AMPD3: variants seen among roughly 807,000 people sequenced by gnomAD.
The protein encoded by AMPD3 is adenosine monophosphate deaminase 3, also known as AMP deaminase 3.
In AMPD3, 57 loss-of-function variants were observed where a neutral mutation model predicts 82.3. The ratio of observed to expected loss-of-function variants is 0.69; its 90% CI spans 0.56 to 0.86. The LOEUF (loss-of-function observed/expected upper bound fraction) is 0.86. Among genes scored for constraint, AMPD3 ranks in the 40% least tolerant of loss-of-function variants. The pLI is 0.00. For synonymous variants in AMPD3, 381 were observed against 394.7 expected (o/e 0.97, Z 0.41); for missense variants, 870 against 1,003.8 (o/e 0.87, Z 1.80).
intron 2 of AMPD3, among the ~76,000 whole-genome samples, chr11:10,474,023 C>A (rs1848668431): frequency 6.6e-6 from 1 of 152,096 alleles, no homozygotes; most frequent in East Asian, 1.9e-4. Context: ...GAAATGTCCC[C>A]CCTCTGACCC....
At chr11:10,496,596 G>T (rs892787942) in intron 9 of AMPD3, 3 of 972,826 alleles carry the variant, frequency 3.1e-6, no homozygotes, top group Non-Finnish European at 3.7e-6. Flanking sequence ...GCTCTGATGG[G>T]CATGGGTAGG....
upstream of AMPD3, among the ~76,000 whole-genome samples, chr11:10,452,746 A>G (rs1406120824): frequency 2.0e-5 from 3 of 152,254 alleles, no homozygotes; most frequent in East Asian, 5.8e-4. Flanking sequence ...TAATGCTTAT[A>G]AAACACATAC....
upstream of AMPD3, chr11:10,451,009 T>C: frequency 1.3e-6 from 2 of 1,579,370 alleles, no homozygotes; most frequent in East Asian, 2.3e-5. Flanking sequence ...GGCCGTCCCT[T>C]TCGGCCGGCG....
chr11:10,490,368 T>G, intron 6 of AMPD3: 1 of 456,624 alleles, frequency 2.2e-6, no homozygotes, highest in Non-Finnish European at 2.9e-6. Context: ...TTACCTTCTG[T>G]GCCAAACCTG....
At chr11:10,455,991 G>C in intron 1 of AMPD3, 1 of 985,372 alleles carries the variant, frequency 1.0e-6, no homozygotes. Context: ...GGGAGGCTGT[G>C]GCTTATCTCC....
intron 6 of AMPD3, among the ~76,000 whole-genome samples, chr11:10,489,903 ACT>A (rs1480233445): frequency 1.3e-5 from 2 of 151,898 alleles, no homozygotes; most frequent in African/African-American, 4.8e-5. Flanking sequence ...CTGGCCCCGA[ACT>A]CTCAGCCTCA....
Position 10,505,814 on chromosome 11 carries a change from C to A in AMPD3, c.2234C>A (p.Thr745Asn). 1 of 1,614,176 alleles carries A rather than the reference C, an allele frequency of 6.2e-7. No individual in the cohort carries two copies. Among genetic ancestry groups the A allele is most frequent in the African/African-American group, 1.3e-5 (1 of 75,044 alleles). Residue 745 changes from threonine to asparagine, a missense_variant, in exon 15 of 15, where the codon ACC (threonine) becomes AAC (asparagine). Physicochemically the swap from Thr to Asn is moderately conservative, Grantham distance 65. Transcript: ENST00000396553. ...ATCCGGATGGCATTCCGATATGAGA[C>A]CTTATGCAATGAGCTCAGCTTCCTG... is the stretch of plus-strand genomic sequence containing the variant. ...AQIRMAFRYE[T>N]LCNELSFLSD...
At chr11:10,472,559 T>C (rs897884343) in intron 2 of AMPD3, among the ~76,000 whole-genome samples, 1 of 152,240 alleles carries the variant, frequency 6.6e-6, no homozygotes, top group African/African-American at 2.4e-5. Context: ...ACATATGTGC[T>C]TTATGAATTG....
chr11:10,472,016 C>T (rs1323024433), intron 2 of AMPD3, among the ~76,000 whole-genome samples: 2 of 152,118 alleles, frequency 1.3e-5, no homozygotes, highest in African/African-American at 2.4e-5. Context: ...GCAGCACTAT[C>T]CACAATAGCA....
chr11:10,504,070 C>A, intron 13 of AMPD3: 1 of 963,162 alleles, frequency 1.0e-6, no homozygotes, highest in Non-Finnish European at 1.2e-6. Context: ...ATGATCACTT[C>A]TCATTTTTTT....
chr11:10,494,847 G>C (rs752855427), intron 7 of AMPD3, 52 bp from the exon 8 acceptor site: 9 of 1,587,716 alleles, frequency 5.7e-6, no homozygotes, highest in South Asian at 2.2e-5. Flanking sequence ...AGAGGGGAAC[G>C]TGCATGGTGG....
intron 1 of AMPD3, 105 bp from the exon 2 acceptor site, chr11:10,461,410 G>C: frequency 6.2e-7 from 1 of 1,603,818 alleles, no homozygotes; most frequent in Non-Finnish European, 8.5e-7. Flanking sequence ...GTAGACAGCT[G>C]ACCCCAAGTA....
At chr11:10,477,554 G>A (rs550767024) in intron 2 of AMPD3, among the ~76,000 whole-genome samples, 2 of 152,270 alleles carry the variant, frequency 1.3e-5, no homozygotes, top group Admixed American at 6.5e-5. Context: ...TTGCAAATAA[G>A]CATGGGCTTG....
chr11:10,460,985 T>C (rs1848252908), intron 1 of AMPD3: 1 of 985,492 alleles, frequency 1.0e-6, no homozygotes, highest in Non-Finnish European at 1.2e-6. Context: ...TAGCAGATTC[T>C]TTCTCTTCAG....
upstream of AMPD3, chr11:10,451,086 C>A: frequency 6.4e-7 from 1 of 1,555,986 alleles, no homozygotes; most frequent in Non-Finnish European, 8.6e-7. Flanking sequence ...GGGCCAGCCC[C>A]GCGGACCCTG....
intron 6 of AMPD3, among the ~76,000 whole-genome samples, chr11:10,493,118 A>G (rs1849285871): frequency 6.6e-6 from 1 of 152,144 alleles, no homozygotes. Flanking sequence ...TCTGCATTTT[A>G]AAAAGATTTC....
chr11:10,473,629 G>A, intron 2 of AMPD3: 1 of 980,568 alleles, frequency 1.0e-6, no homozygotes, highest in Non-Finnish European at 1.2e-6. Context: ...TGCGGAGTGA[G>A]TGATCTCTGT....
intron 1 of AMPD3, among the ~76,000 whole-genome samples, chr11:10,460,456 G>T (rs1591439460): frequency 6.7e-6 from 1 of 150,146 alleles, no homozygotes; most frequent in East Asian, 2.0e-4. Context: ...ACCCAGGTTG[G>T]AGTGAAGTGG....
intron 4 of AMPD3, among the ~76,000 whole-genome samples, chr11:10,483,545 A>T (rs751546467): frequency 3.3e-5 from 5 of 152,264 alleles, no homozygotes; most frequent in Non-Finnish European, 7.3e-5. Flanking sequence ...TGTGTACTTT[A>T]CATGGACAGA....
Sources: gnomAD v4.1 joint callset for allele counts (sites outside exome capture counted in the v4.1 genomes callset) on GRCh38, gnomAD v4.1.1 for gene constraint, MANE v1.5 for transcripts, NCBI Gene and HGNC (gene_info 2026-07-23, HGNC 2026-07-21) for gene names.